The following CNIH3 variants were observed in gnomAD, a reference collection of about 807,000 sequenced individuals.
CNIH3 encodes protein cornichon homolog 3.
A neutral mutation model predicts 24.1 loss-of-function variants in CNIH3; 14 were observed. The ratio of observed to expected loss-of-function variants is 0.58; its 90% CI spans 0.38 to 0.91. CNIH3 has a LOEUF of 0.91. CNIH3 is among the 40% of genes least tolerant of loss of function. The pLI, the probability that CNIH3 is intolerant of heterozygous loss-of-function variation, is 0.00. For synonymous variants in CNIH3, 68 were observed against 73.8 expected (o/e 0.92, Z 0.40); for missense variants, 178 against 196.8 (o/e 0.90, Z 0.57).
intron 1 of CNIH3, chr1:224,459,213 A>G: frequency 5.1e-6 from 5 of 978,570 alleles, no homozygotes; most frequent in Non-Finnish European, 6.1e-6. Context: ...TCTTCAGCAG[A>G]CATCATGTGA....
intron 4 of CNIH3, among the ~76,000 whole-genome samples, chr1:224,569,668 A>T (rs541103521): frequency 1.3e-5 from 2 of 152,294 alleles, no homozygotes; most frequent in Admixed American, 6.5e-5. Flanking sequence ...TGGTTTTTCC[A>T]TCATAGCCAA....
intron 3 of CNIH3, among the ~76,000 whole-genome samples, chr1:224,723,278 C>T (rs1688834732): frequency 6.6e-6 from 1 of 152,214 alleles, no homozygotes; most frequent in Non-Finnish European, 1.5e-5. Context: ...TGGGCCATCA[C>T]ACCCTGGGTG....
intron 3 of CNIH3, among the ~76,000 whole-genome samples, chr1:224,563,471 G>GTGTA (rs907304584): frequency 8.4e-6 from 1 of 118,750 alleles, no homozygotes; most frequent in African/African-American, 3.0e-5. Flanking sequence ...GTGTGTGTGT[G>GTGTA]TGTGTGTGTG....
At chr1:224,527,669 G>A (rs916526691) in intron 2 of CNIH3, among the ~76,000 whole-genome samples, 2 of 152,024 alleles carry the variant, frequency 1.3e-5, no homozygotes, top group African/African-American at 4.8e-5. Context: ...AAATTGGCTT[G>A]GATACAATGT....
intron 3 of CNIH3, among the ~76,000 whole-genome samples, chr1:224,686,249 A>G (rs1191846904): frequency 3.4e-5 from 5 of 148,690 alleles, no homozygotes; most frequent in Non-Finnish European, 7.4e-5. Context: ...AAGTGAGAAC[A>G]TGCAGTGTTT....
downstream of CNIH3, among the ~76,000 whole-genome samples, chr1:224,589,557 A>G (rs1426937498): frequency 6.6e-6 from 1 of 152,204 alleles, no homozygotes; most frequent in Non-Finnish European, 1.5e-5. Flanking sequence ...TTGACATTCA[A>G]ACACCTTTAT....
At chr1:224,632,425 G>A (rs1335998045) in intron 1 of CNIH3, among the ~76,000 whole-genome samples, 2 of 152,174 alleles carry the variant, frequency 1.3e-5, no homozygotes, top group African/African-American at 2.4e-5. Context: ...TTCTGCTACA[G>A]TGAATCCCAT....
intron 1 of CNIH3, among the ~76,000 whole-genome samples, chr1:224,455,906 T>C (rs2102973659): frequency 1.3e-5 from 2 of 152,350 alleles, no homozygotes; most frequent in South Asian, 4.1e-4. Flanking sequence ...CATAGTGTAT[T>C]GTCATATTGA....
chr1:224,451,871 A>G (rs1675411160), intron 1 of CNIH3, among the ~76,000 whole-genome samples: 1 of 152,170 alleles, frequency 6.6e-6, no homozygotes. Context: ...AAATTGACAG[A>G]TTACACATAG....
chr1:224,586,987 A>G (rs933107732), intron 5 of CNIH3, among the ~76,000 whole-genome samples: 1 of 152,190 alleles, frequency 6.6e-6, no homozygotes, highest in African/African-American at 2.4e-5. Context: ...ATCCTTCAGA[A>G]CAGTGGGAAG....
At chr1:224,545,319 T>G (rs775870495) in intron 2 of CNIH3, among the ~76,000 whole-genome samples, 2 of 152,224 alleles carry the variant, frequency 1.3e-5, no homozygotes, top group Non-Finnish European at 2.9e-5. Context: ...CACCCTTGTC[T>G]CTTCTCTCAT....
At chr1:224,730,433 T>C in intron 3 of CNIH3, 29 bp from the exon 4 acceptor site, 1 of 1,440,712 alleles carries the variant, frequency 6.9e-7, no homozygotes, top group East Asian at 2.5e-5. Context: ...CTCCTCTAAC[T>C]CAGGGCCGTG....
chr1:224,696,002 C>A (rs78179012), intron 3 of CNIH3, among the ~76,000 whole-genome samples: 2 of 152,090 alleles, frequency 1.3e-5, no homozygotes, highest in African/African-American at 4.8e-5. Flanking sequence ...GGCAGGAAAG[C>A]GTATTGGGAT....
chr1:224,491,515 C>G (rs1268445233), intron 1 of CNIH3, among the ~76,000 whole-genome samples: 1 of 152,182 alleles, frequency 6.6e-6, no homozygotes, highest in Non-Finnish European at 1.5e-5. Flanking sequence ...AAACTTATCT[C>G]TTACTAATTA....
chr1:224,559,917 A>G (rs890643087), intron 3 of CNIH3, among the ~76,000 whole-genome samples: 3 of 152,082 alleles, frequency 2.0e-5, no homozygotes, highest in African/African-American at 7.2e-5. Context: ...TTTTTTTCCA[A>G]TAGTTTTACC....
chr1:224,673,406 C>G (rs1386820092), intron 1 of CNIH3, among the ~76,000 whole-genome samples: 1 of 152,224 alleles, frequency 6.6e-6, no homozygotes, highest in Non-Finnish European at 1.5e-5. Flanking sequence ...GTCTCACTCT[C>G]TGGCTTCCCC....
At chr1:224,569,157 T>A (rs1003203393) in intron 4 of CNIH3, among the ~76,000 whole-genome samples, 1 of 152,240 alleles carries the variant, frequency 6.6e-6, no homozygotes, top group Admixed American at 6.5e-5. Flanking sequence ...CGTGAGCCTC[T>A]GCACCTGGCC....
intron 3 of CNIH3, among the ~76,000 whole-genome samples, chr1:224,555,045 G>A (rs1357818986): frequency 1.3e-5 from 2 of 152,154 alleles, no homozygotes; most frequent in East Asian, 1.9e-4. Flanking sequence ...TTTGTTGGGG[G>A]TAGTAGGGGA....
rs11374306 is a variant in CNIH3, at chr1:224,454,257, G to GTTTT, written n.203+19409_203+19412dup. 1.5e-3 allele frequency: 1,129 copies of GTTTT among 749,462 alleles called. 1 individual carries two copies. The highest frequency in any genetic ancestry group is 2.0e-3 in the Middle Eastern group (3 of 1,524). The allele number at this position is 749,462 out of a possible 1,614,324, so 46.4% of individuals were successfully genotyped here. ...TTTACAGGCTCATTTCTACTAGTAA[G>GTTTT]TTTTTTTTTTTTTTTTTCAGATCTC... On this transcript the variant is annotated intron_variant and non_coding_transcript_variant, in intron 1 of 5. Transcript: ENST00000471578.
Sources: allele counts gnomAD v4.1 joint callset (sites outside exome capture counted in the v4.1 genomes callset), GRCh38; gene constraint gnomAD v4.1.1; transcripts MANE v1.5; gene names NCBI Gene and HGNC (gene_info 2026-07-23, HGNC 2026-07-21).